The following ZNF236 variants were observed in gnomAD, a reference collection of about 807,000 sequenced individuals.
ZNF236 encodes regulated by glucose.
In ZNF236, 50 loss-of-function variants were observed where a neutral mutation model predicts 191.2. The ratio of observed to expected loss-of-function variants is 0.26; its 90% CI spans 0.21 to 0.33. The LOEUF is 0.33. Among genes scored for constraint, ZNF236 ranks in the 10% least tolerant of loss-of-function variants. The pLI is 1.00. For missense variants in ZNF236, 1,754 were observed against 2,374.5 expected, an observed-to-expected ratio of 0.74 and a Z score of 5.43; for synonymous variants, 907 against 928.8, an observed-to-expected ratio of 0.98 and a Z score of 0.43.
intron 4 of ZNF236, among the ~76,000 whole-genome samples, chr18:76,870,412 G>A (rs549504745): frequency 7.2e-5 from 11 of 152,140 alleles, no homozygotes; most frequent in Non-Finnish European, 1.3e-4. Context: ...TTCCTTGGAG[G>A]TTTGAAAGAT....
At chr18:76,909,847 C>CT (rs1456092005) in intron 14 of ZNF236, among the ~76,000 whole-genome samples, 3 of 152,200 alleles carry the variant, frequency 2.0e-5, no homozygotes, top group African/African-American at 7.2e-5. Context: ...GGAACAATGT[C>CT]TGAGTTTTCA....
At chr18:76,895,386 C>T in intron 10 of ZNF236, 101 bp downstream of exon 10, 1 of 1,463,816 alleles carries the variant, frequency 6.8e-7, no homozygotes, top group Middle Eastern at 2.0e-4. Context: ...AGTAGGCACA[C>T]AGGTACTGCA....
chr18:76,904,646 C>T (rs1266955590), intron 12 of ZNF236, 125 bp downstream of exon 12: 1 of 759,368 alleles, frequency 1.3e-6, no homozygotes, highest in Non-Finnish European at 1.9e-6. Context: ...CATTTGACTC[C>T]AAAACATTTA....
At chr18:76,913,999 A>G in intron 18 of ZNF236, 101 bp downstream of exon 18, 1 of 1,302,496 alleles carries the variant, frequency 7.7e-7, no homozygotes, top group Non-Finnish European at 1.1e-6. Flanking sequence ...AAAGTGTACA[A>G]TTCAGTGATT....
chr18:76,829,249 C>A (rs903211038), intron 1 of ZNF236, among the ~76,000 whole-genome samples: 7 of 151,964 alleles, frequency 4.6e-5, no homozygotes, highest in African/African-American at 1.7e-4. Flanking sequence ...TAGAACTTTT[C>A]TTCACATGAA....
chr18:76,922,218 A>C (rs1967556148), intron 20 of ZNF236, among the ~76,000 whole-genome samples: 1 of 152,138 alleles, frequency 6.6e-6, no homozygotes, highest in South Asian at 2.1e-4. Context: ...GGTGACTGGC[A>C]GGGCGCTGTG....
At chr18:76,921,018 G>A (rs541535080) in intron 20 of ZNF236, among the ~76,000 whole-genome samples, 2 of 152,290 alleles carry the variant, frequency 1.3e-5, no homozygotes, top group African/African-American at 4.8e-5. Flanking sequence ...AAAACAAACC[G>A]TGAAGATTTT....
chr18:76,919,783 T>C lies in ZNF236; in HGVS notation c.3282T>C (p.Cys1094=). The C allele has an allele frequency of 6.2e-7, 1 of 1,613,678 alleles. No homozygotes were observed. Among genetic ancestry groups the C allele is most frequent in the East Asian group, 2.2e-5 (1 of 44,884 alleles). ...ATGETEGGDI[C]MEEEEEHSDR... ...TTCCTTGATTTTGTGTAGACATTTG[T>C]ATGGAGGAAGAGGAAGAACATTCTG... is the stretch of plus-strand genomic sequence containing the variant. Residue 1094 remains cysteine, a synonymous_variant, in exon 20 of 31, where the codon TGT becomes TGC. Coordinates refer to ENST00000320610, the MANE Select transcript of ZNF236 (RefSeq NM_001306089.2). This position sits in a 1 kb window ranked among gnomAD's most constrained non-coding sequence, Gnocchi z 5.3.
intron 11 of ZNF236, among the ~76,000 whole-genome samples, chr18:76,903,322 G>A (rs1386504980): frequency 6.6e-6 from 1 of 152,202 alleles, no homozygotes; most frequent in Non-Finnish European, 1.5e-5. Context: ...TACAGGACAG[G>A]GAAGGGAACT....
At position 76,912,338 on chromosome 18, in the gene ZNF236, G is replaced by T; in HGVS notation, c.2900G>T (p.Arg967Leu). The T allele has an allele frequency of 1.2e-6, 2 of 1,613,664 alleles. No individual in the cohort carries two copies. Among genetic ancestry groups the T allele is most frequent in the Non-Finnish European group, 1.7e-6 (2 of 1,179,726 alleles). The change falls in exon 17 of 31, where the codon CGC (arginine) becomes CTC (leucine). Residue 967 changes from arginine to leucine, a missense_variant. Physicochemically the swap from Arg to Leu is moderately radical, Grantham distance 102. Transcript: ENST00000320610. ...FLEDNEDQSR[R>L]SYRCDYCNKG... ...GAGGACAACGAGGACCAGAGCAGGCGCTCTTACAGGTAGTTGTCTGCACAG... is the reference window on the plus strand; with the variant it reads ...GAGGACAACGAGGACCAGAGCAGGCTCTCTTACAGGTAGTTGTCTGCACAG...
Position 76,971,525 on chromosome 18 carries a change from T to G in ZNF236, c.*3186T>G, listed in dbSNP as rs1968908605. On this transcript the variant is annotated 3_prime_UTR_variant, in exon 31 of 31. Transcript: ENST00000320610. Reference sequence around the variant, plus strand: ...ATTTTCTACTCCCCTGTTGTAATATTTTAAGGAAACTTGATCTTTGAAATT... The same window carrying G: ...ATTTTCTACTCCCCTGTTGTAATATGTTAAGGAAACTTGATCTTTGAAATT... Among the ~76,000 whole-genome samples, 3 of 152,214 alleles carry G rather than the reference T, an allele frequency of 2.0e-5. No homozygotes were observed. The highest frequency in any genetic ancestry group is 1.3e-4 in the Admixed American group (2 of 15,282).
chr18:76,853,108 C>T (rs902699093), intron 3 of ZNF236, among the ~76,000 whole-genome samples: 46 of 150,406 alleles, frequency 3.1e-4, no homozygotes, highest in Middle Eastern at 3.4e-3. Flanking sequence ...GATGGAGTTT[C>T]GCTTTTGTTG....
At chr18:76,912,179 T>C in intron 16 of ZNF236, 65 bp from the exon 17 acceptor site, 1 of 1,230,362 alleles carries the variant, frequency 8.1e-7, no homozygotes, top group Non-Finnish European at 1.2e-6. Context: ...TCTTAGCTGC[T>C]CAGTTGTTTT....
intron 25 of ZNF236, among the ~76,000 whole-genome samples, chr18:76,933,656 C>T (rs562837709): frequency 3.3e-5 from 5 of 151,836 alleles, no homozygotes; most frequent in East Asian, 3.9e-4. Context: ...AATGTGATAT[C>T]GGCTATTCTT....
intron 11 of ZNF236, among the ~76,000 whole-genome samples, chr18:76,903,310 A>G (rs1040525807): frequency 2.0e-5 from 3 of 152,216 alleles, no homozygotes; most frequent in African/African-American, 7.2e-5. Context: ...GCAAATGCCG[A>G]GTACAGGACA....
intron 1 of ZNF236, among the ~76,000 whole-genome samples, chr18:76,839,110 A>G (rs1439314181): frequency 6.6e-6 from 1 of 152,196 alleles, no homozygotes; most frequent in Non-Finnish European, 1.5e-5. Flanking sequence ...CTCCTCCAAC[A>G]TATTTGCCCC....
rs1251163100 is a variant in ZNF236, at chr18:76,908,515, C to A, written c.2493C>A (p.Gly831=). 2 of 1,613,786 alleles carry A rather than the reference C, an allele frequency of 1.2e-6. No homozygotes were observed. Among genetic ancestry groups the A allele is most frequent in the Non-Finnish European group, 8.5e-7 (1 of 1,179,974 alleles). ...ACCTGGAGCCTCAGCATGTGGTGGG[C>A]ACGGAGGAAGCAGGGCTGGGCCAGC... ...MLDLEPQHVV[G]TEEAGLGQQL... Residue 831 remains glycine, a synonymous_variant, in exon 14 of 31, where the codon GGC becomes GGA. Transcript: ENST00000320610.
chr18:76,826,806 A>G (rs1262412628), intron 1 of ZNF236, among the ~76,000 whole-genome samples: 1 of 151,804 alleles, frequency 6.6e-6, no homozygotes, highest in Non-Finnish European at 1.5e-5. Context: ...TCTCAAAAAA[A>G]AAAAAAAAGC....
At position 76,937,196 on chromosome 18, in the gene ZNF236, G is replaced by C; in HGVS notation, c.4635G>C (p.Pro1545=). 1 of 1,614,070 alleles carries C rather than the reference G, an allele frequency of 6.2e-7. No homozygotes were observed. The highest frequency in any genetic ancestry group is 8.5e-7 in the Non-Finnish European group (1 of 1,179,982). The change falls in exon 26 of 31, where the codon CCG becomes CCC. Residue 1545 remains proline, a synonymous_variant. Transcript: ENST00000320610. ...GCGGAAGCCTTCCTTCAACAACACCGATGTCTCCATCGGCCATCTCGACTC... is the reference window on the plus strand; with the variant it reads ...GCGGAAGCCTTCCTTCAACAACACCCATGTCTCCATCGGCCATCTCGACTC... ...TTSGSLPSTT[P]MSPSAISTQN...
Sources: gnomAD v4.1 joint callset for allele counts (sites outside exome capture counted in the v4.1 genomes callset) on GRCh38, gnomAD v4.1.1 for gene constraint, Gnocchi (gnomAD v3.1) non-coding constraint, MANE v1.5 for transcripts, NCBI Gene and HGNC (gene_info 2026-07-23, HGNC 2026-07-21) for gene names.